PTGER4: variants seen among roughly 807,000 people sequenced by gnomAD.
The protein encoded by PTGER4 is prostaglandin E receptor 4, also known as prostaglandin E2 receptor EP4 subtype.
Under a neutral mutation model 33.2 loss-of-function variants are expected in PTGER4, and 11 were observed. The observed-to-expected ratio is 0.33, with a 90% CI of 0.21 to 0.55. The LOEUF (loss-of-function observed/expected upper bound fraction) is 0.55. PTGER4 is among the 20% of genes least tolerant of loss of function. The pLI is 0.92. For synonymous variants in PTGER4, 275 were observed against 281.5 expected (o/e 0.98, Z 0.23); for missense variants, 481 against 650.2 (o/e 0.74, Z 2.83).
the PTGER4 span, among the ~76,000 whole-genome samples, chr5:40,710,283 T>C: frequency 6.6e-6 from 1 of 152,138 alleles, no homozygotes; most frequent in South Asian, 2.1e-4. Flanking sequence ...AACAGACATT[T>C]CTCAAAAGAA....
chr5:40,726,457 G>T, the PTGER4 span, among the ~76,000 whole-genome samples: 1 of 150,592 alleles, frequency 6.6e-6, no homozygotes. Flanking sequence ...GACATTTTGA[G>T]TCATCTTTTT....
At chr5:40,713,199 G>C in the PTGER4 span, among the ~76,000 whole-genome samples, 1 of 152,062 alleles carries the variant, frequency 6.6e-6, no homozygotes, top group Non-Finnish European at 1.5e-5. Context: ...ATTAATACAT[G>C]TATCATGAAA....
downstream of PTGER4, among the ~76,000 whole-genome samples, chr5:40,698,092 C>CAAAAAAAAAAAA (rs1156254550): frequency 7.2e-4 from 29 of 40,024 alleles, 2 homozygotes; most frequent in Admixed American, 1.4e-3. Context: ...CCTGTCTCTA[C>CAAAAAAAAAAAA]AAAAAAAAAA....
downstream of PTGER4, among the ~76,000 whole-genome samples, chr5:40,696,381 C>G (rs775502749): frequency 1.3e-5 from 2 of 152,180 alleles, no homozygotes; most frequent in Non-Finnish European, 2.9e-5. Context: ...CCCGTTACAT[C>G]CAAGCCTGAA....
the PTGER4 span, among the ~76,000 whole-genome samples, chr5:40,709,274 C>T: frequency 1.3e-5 from 2 of 152,144 alleles, no homozygotes; most frequent in Non-Finnish European, 2.9e-5. Context: ...AATTGTATAT[C>T]TAGAAAACCC....
At chr5:40,738,494 CAA>C in the PTGER4 span, among the ~76,000 whole-genome samples, 1 of 87,750 alleles carries the variant, frequency 1.1e-5, no homozygotes, top group East Asian at 4.4e-4. Flanking sequence ...CAATACAATA[CAA>C]TACAATACAA....
the PTGER4 span, among the ~76,000 whole-genome samples, chr5:40,732,126 C>T: frequency 2.6e-5 from 4 of 152,332 alleles, no homozygotes; most frequent in South Asian, 6.2e-4. Context: ...CCTCCCACCT[C>T]AGCCTACTGA....
the PTGER4 span, among the ~76,000 whole-genome samples, chr5:40,735,624 G>A: frequency 6.6e-6 from 1 of 152,158 alleles, no homozygotes; most frequent in Non-Finnish European, 1.5e-5. Flanking sequence ...TGTTAAGCTG[G>A]CAACAGCTCC....
the PTGER4 span, among the ~76,000 whole-genome samples, chr5:40,718,922 TAAA>T: frequency 3.3e-5 from 5 of 151,916 alleles, no homozygotes; most frequent in African/African-American, 1.2e-4. Context: ...AAATAAAAAT[TAAA>T]AATTAAGGTA....
intron 2 of PTGER4, among the ~76,000 whole-genome samples, chr5:40,682,910 CT>C (rs1017423124): frequency 6.6e-6 from 1 of 152,150 alleles, no homozygotes; most frequent in African/African-American, 2.4e-5. Context: ...TAAGAATTGC[CT>C]TTGGATTAAC....
At chr5:40,723,025 C>T in the PTGER4 span, among the ~76,000 whole-genome samples, 1 of 152,144 alleles carries the variant, frequency 6.6e-6, no homozygotes, top group Non-Finnish European at 1.5e-5. Context: ...AAGGAGAGAT[C>T]GGATTGTTAC....
At chr5:40,717,300 T>C in the PTGER4 span, among the ~76,000 whole-genome samples, 1 of 151,412 alleles carries the variant, frequency 6.6e-6, no homozygotes, top group African/African-American at 2.4e-5. Flanking sequence ...GAAGTAGGTA[T>C]GGTTATTGTT....
chr5:40,720,525 T>G, the PTGER4 span, among the ~76,000 whole-genome samples: 3 of 152,170 alleles, frequency 2.0e-5, no homozygotes, highest in African/African-American at 7.2e-5. Context: ...ATTTTCAAAT[T>G]TAAGATAGTT....
downstream of PTGER4, among the ~76,000 whole-genome samples, chr5:40,694,394 A>AGTT (rs1433846099): frequency 5.3e-5 from 8 of 149,868 alleles, no homozygotes; most frequent in African/African-American, 1.8e-4. Flanking sequence ...TTTTTGAGTG[A>AGTT]GTTATATATC....
chr5:40,721,031 T>C, the PTGER4 span, among the ~76,000 whole-genome samples: 24 of 152,176 alleles, frequency 1.6e-4, no homozygotes, highest in South Asian at 4.1e-4. Flanking sequence ...ACCCTATCTG[T>C]TCCCCCAGCT....
chr5:40,738,544 A>C, the PTGER4 span, among the ~76,000 whole-genome samples: 35 of 122,000 alleles, frequency 2.9e-4, no homozygotes, highest in East Asian at 5.6e-3. Context: ...AAATACAATA[A>C]AATAAAATAA....
chr5:40,745,594 AC>A, the PTGER4 span, among the ~76,000 whole-genome samples: 1 of 151,724 alleles, frequency 6.6e-6, no homozygotes, highest in African/African-American at 2.4e-5. Context: ...GCAGAGTCAC[AC>A]CTCATCGTAG....
chr5:40,695,983 A>G (rs150092346), downstream of PTGER4, among the ~76,000 whole-genome samples: 39 of 152,314 alleles, frequency 2.6e-4, no homozygotes, highest in African/African-American at 7.2e-4. Context: ...TATGTTCACT[A>G]TTTGGGTACT....
At chr5:40,728,564 AT>A in the PTGER4 span, 1 of 1,279,494 alleles carries the variant, frequency 7.8e-7, no homozygotes. Context: ...TTTAAGATAT[AT>A]TTTTAGTCCA....
Sources: gnomAD v4.1 joint callset for allele counts (sites outside exome capture counted in the v4.1 genomes callset) on GRCh38, gnomAD v4.1.1 for gene constraint, MANE v1.5 for transcripts, NCBI Gene and HGNC (gene_info 2026-07-23, HGNC 2026-07-21) for gene names.